The following DCC variants were observed in gnomAD, a reference collection of about 807,000 sequenced individuals.
The protein encoded by DCC is DCC netrin 1 receptor, also known as netrin receptor DCC.
DCC carries 58 observed loss-of-function variants against 172.5 expected under a neutral mutation model. That is an observed-to-expected ratio of 0.34 (90% CI 0.27 to 0.42). The LOEUF is 0.42. Ranked by LOEUF, DCC falls within the 10% of genes least tolerant of loss-of-function variation. The probability of loss-of-function intolerance (pLI) is 1.00; values close to 1 mark genes in which losing one functional copy is unlikely to be tolerated. For missense variants in DCC, 1,740 were observed against 1,791.0 expected, an observed-to-expected ratio of 0.97 and a Z score of 0.51; for synonymous variants, 709 against 644.5, an observed-to-expected ratio of 1.10 and a Z score of -1.52.
chr18:53,520,369 C>A (rs761851250), intron 27 of DCC, among the ~76,000 whole-genome samples: 2 of 152,036 alleles, frequency 1.3e-5, no homozygotes, highest in Non-Finnish European at 2.9e-5. Flanking sequence ...ATAGTCCATA[C>A]CAGCAGACTG....
intron 9 of DCC, among the ~76,000 whole-genome samples, chr18:53,183,804 T>A (rs2055236593): frequency 6.6e-6 from 1 of 152,022 alleles, no homozygotes; most frequent in Non-Finnish European, 1.5e-5. Flanking sequence ...CTTGTATGGT[T>A]GTTAGGAAAA....
intron 9 of DCC, among the ~76,000 whole-genome samples, chr18:53,196,094 G>A (rs191055682): frequency 8.9e-4 from 135 of 152,294 alleles, no homozygotes; most frequent in African/African-American, 3.2e-3. Flanking sequence ...TTTTAAGTCA[G>A]TGTGATTAGG....
intron 1 of DCC, among the ~76,000 whole-genome samples, chr18:52,477,971 C>G (rs990117138): frequency 5.9e-5 from 9 of 151,914 alleles, no homozygotes; most frequent in African/African-American, 2.2e-4. Context: ...CACCATACCC[C>G]GCTAATTTTT....
chr18:53,042,048 G>A (rs903706835), intron 5 of DCC, among the ~76,000 whole-genome samples: 6 of 151,820 alleles, frequency 4.0e-5, no homozygotes, highest in African/African-American at 9.7e-5. Flanking sequence ...TGTGTTGAAC[G>A]GGAGTGGTGA....
chr18:52,870,367 C>G (rs957553973), intron 2 of DCC, among the ~76,000 whole-genome samples: 2 of 152,152 alleles, frequency 1.3e-5, no homozygotes, highest in South Asian at 2.1e-4. Flanking sequence ...CACCACCACT[C>G]GCACCTTCCC....
chr18:52,968,494 T>C (rs972025397), intron 5 of DCC, among the ~76,000 whole-genome samples: 4 of 152,162 alleles, frequency 2.6e-5, no homozygotes, highest in Non-Finnish European at 4.4e-5. Flanking sequence ...CTCTATCCTT[T>C]CCCTCTGTTA....
intron 5 of DCC, among the ~76,000 whole-genome samples, chr18:53,050,773 T>A (rs990415563): frequency 3.3e-5 from 5 of 152,124 alleles, no homozygotes; most frequent in Non-Finnish European, 7.4e-5. Flanking sequence ...TATTTTATCC[T>A]TCTACCCGAT....
At position 52,792,769 on chromosome 18, in the gene DCC, T is replaced by TATTCCATTCCATTCCATTCCATTCC. The variant is rs58380249; in HGVS notation, c.412+40407_412+40431dup. On this transcript the variant is annotated intron_variant, in intron 2 of 28. Transcript: ENST00000442544. The stretch of plus-strand genomic sequence containing the variant: ...CATTCCAGTTGATTCTATTCCATTC[T>TATTCCATTCCATTCCATTCCATTCC]ATTCCATTCCATTCCATTCCATTCC... Among the ~76,000 whole-genome samples the TATTCCATTCCATTCCATTCCATTCC allele has an allele frequency of 2.9e-3, 394 of 134,474 alleles. 1 individual carries two copies. The highest frequency in any genetic ancestry group is 7.5e-3 in the African/African-American group (235 of 31,232). The allele number at this position is 134,474 out of a possible 152,430, so 88.2% of individuals were successfully genotyped here. A position where few individuals can be genotyped will look rare whatever the true frequency, so the allele number is the denominator to read the frequency against.
At chr18:52,495,462 G>A (rs2030705473) in intron 1 of DCC, among the ~76,000 whole-genome samples, 1 of 152,046 alleles carries the variant, frequency 6.6e-6, no homozygotes, top group Non-Finnish European at 1.5e-5. Flanking sequence ...TATCACCCCA[G>A]CTTTATGAAG....
intron 12 of DCC, among the ~76,000 whole-genome samples, chr18:53,292,528 C>T (rs2057017992): frequency 6.6e-6 from 1 of 151,970 alleles, no homozygotes; most frequent in Non-Finnish European, 1.5e-5. Flanking sequence ...CTCCACTAAA[C>T]ATACAAAAAA....
At chr18:52,977,112 A>G (rs1884457051) in intron 5 of DCC, among the ~76,000 whole-genome samples, 1 of 151,334 alleles carries the variant, frequency 6.6e-6, no homozygotes, top group Non-Finnish European at 1.5e-5. Context: ...GTGCAGAAAA[A>G]TCTCCTTTTC....
At chr18:52,812,493 T>C (rs2038220636) in intron 2 of DCC, among the ~76,000 whole-genome samples, 3 of 152,148 alleles carry the variant, frequency 2.0e-5, no homozygotes, top group Non-Finnish European at 1.5e-5. Flanking sequence ...GAAACACACA[T>C]ATTGTGCTCA....
At chr18:52,647,336 C>T (rs560887434) in intron 1 of DCC, among the ~76,000 whole-genome samples, 2 of 152,312 alleles carry the variant, frequency 1.3e-5, no homozygotes, top group South Asian at 4.1e-4. Flanking sequence ...GGTTTTCCTT[C>T]CTCCTACCCA....
intron 7 of DCC, among the ~76,000 whole-genome samples, chr18:53,144,431 T>G (rs2043875612): frequency 6.6e-6 from 1 of 152,116 alleles, no homozygotes; most frequent in Non-Finnish European, 1.5e-5. Flanking sequence ...CTGGCAATCA[T>G]GATGGAAGAG....
At chr18:53,267,873 T>C (rs976914141) in intron 12 of DCC, among the ~76,000 whole-genome samples, 1 of 152,152 alleles carries the variant, frequency 6.6e-6, no homozygotes, top group Non-Finnish European at 1.5e-5. Context: ...GTTTCCAAGG[T>C]TTAATATTTA....
Position 52,652,180 on chromosome 18 carries a change from C to G in DCC, c.92-99874C>G, listed in dbSNP as rs568567795. Among the ~76,000 whole-genome samples, 3 of 152,138 alleles carry G rather than the reference C, an allele frequency of 2.0e-5. No individual in the cohort carries two copies. The South Asian group carries it at 6.2e-4, about 31-fold the overall frequency. ...GTTTTTATCCCTGTAGTAATATGCT[C>G]GTTGCCCAAGGAAGAAAAGCCATCA... On this transcript the variant is annotated intron_variant, in intron 1 of 28. Coordinates refer to ENST00000442544, the MANE Select transcript of DCC (RefSeq NM_005215.4).
intron 7 of DCC, among the ~76,000 whole-genome samples, chr18:53,098,978 C>T (rs1296179599): frequency 6.6e-6 from 1 of 152,058 alleles, no homozygotes; most frequent in Non-Finnish European, 1.5e-5. Context: ...CGCCATGCTC[C>T]AGCCTGTGTG....
intron 7 of DCC, among the ~76,000 whole-genome samples, chr18:53,073,406 T>A (rs1308920057): frequency 6.6e-6 from 1 of 151,936 alleles, no homozygotes; most frequent in African/African-American, 2.4e-5. Flanking sequence ...GTGCCTATAG[T>A]CCCAGCTACT....
chr18:53,153,025 C>A (rs905396050), intron 7 of DCC, among the ~76,000 whole-genome samples: 9 of 152,306 alleles, frequency 5.9e-5, no homozygotes, highest in Admixed American at 5.9e-4. Flanking sequence ...GCCATTGCCC[C>A]TTGCCCTCCT....
Sources: gnomAD v4.1 joint callset for allele counts (sites outside exome capture counted in the v4.1 genomes callset) on GRCh38, gnomAD v4.1.1 for gene constraint, MANE v1.5 for transcripts, NCBI Gene and HGNC (gene_info 2026-07-23, HGNC 2026-07-21) for gene names.